Variants in DPP6 observed in about 807,000 individuals in gnomAD.
DPP6 encodes A-type potassium channel modulatory protein DPP6.
In DPP6, 69 loss-of-function variants were observed where a neutral mutation model predicts 122.6. The observed-to-expected ratio is 0.56, with a 90% confidence interval of 0.46 to 0.69. The LOEUF is 0.69. DPP6 is among the 30% of genes least tolerant of loss of function. DPP6 has a pLI of 0.00. For missense variants in DPP6, 928 were observed against 1,116.9 expected, an observed-to-expected ratio of 0.83 and a Z score of 2.41; for synonymous variants, 418 against 433.1, an observed-to-expected ratio of 0.97 and a Z score of 0.43.
At chr7:154,634,259 G>A (rs949393120) in intron 5 of DPP6, among the ~76,000 whole-genome samples, 11 of 148,190 alleles carry the variant, frequency 7.4e-5, no homozygotes, top group Non-Finnish European at 1.5e-4. Context: ...AGAACATGCG[G>A]TGTTTGGTTT....
intron 1 of DPP6, among the ~76,000 whole-genome samples, chr7:153,923,187 C>A (rs1282075959): frequency 1.3e-5 from 2 of 152,154 alleles, no homozygotes; most frequent in Non-Finnish European, 2.9e-5. Context: ...CACTGAACAC[C>A]TAGGAGACCA....
At chr7:154,284,649 G>T (rs556327623) in intron 1 of DPP6, among the ~76,000 whole-genome samples, 1 of 152,338 alleles carries the variant, frequency 6.6e-6, no homozygotes, top group East Asian at 1.9e-4. Flanking sequence ...GAGGTCAGGA[G>T]TTCAAGACCA....
chr7:154,182,834 G>A (rs1451266803), intron 1 of DPP6, among the ~76,000 whole-genome samples: 3 of 152,050 alleles, frequency 2.0e-5, no homozygotes, highest in African/African-American at 7.2e-5. Context: ...CATTCCCGAG[G>A]AGGCACTGCT....
At chr7:154,550,748 C>CTT (rs35197365) in intron 4 of DPP6, among the ~76,000 whole-genome samples, 15 of 126,846 alleles carry the variant, frequency 1.2e-4, no homozygotes, top group East Asian at 2.3e-4. Flanking sequence ...AATTTTAGTT[C>CTT]TTTTTTTTTT....
intron 1 of DPP6, among the ~76,000 whole-genome samples, chr7:154,388,498 G>A (rs747283444): frequency 1.4e-4 from 22 of 152,206 alleles, no homozygotes; most frequent in African/African-American, 5.1e-4. Flanking sequence ...CAGGATATGC[G>A]ACTCTGAGAT....
At chr7:153,879,526 A>G in the DPP6 span, among the ~76,000 whole-genome samples, 1 of 151,956 alleles carries the variant, frequency 6.6e-6, no homozygotes, top group East Asian at 1.9e-4. Flanking sequence ...AGTAGCTGGG[A>G]CTGCAGGTGC....
At chr7:153,903,424 T>G (rs1028540179) in intron 1 of DPP6, among the ~76,000 whole-genome samples, 3 of 152,216 alleles carry the variant, frequency 2.0e-5, no homozygotes, top group Admixed American at 6.5e-5. Flanking sequence ...CAACCCTGGA[T>G]GAAGGTACTA....
At chr7:153,976,303 G>A (rs1485033563) in intron 1 of DPP6, among the ~76,000 whole-genome samples, 1 of 152,216 alleles carries the variant, frequency 6.6e-6, no homozygotes, top group Admixed American at 6.5e-5. Context: ...GTCTGAGACA[G>A]CTTTATACAT....
intron 1 of DPP6, among the ~76,000 whole-genome samples, chr7:154,263,194 C>T (rs1304902846): frequency 6.6e-6 from 1 of 152,100 alleles, no homozygotes; most frequent in Admixed American, 6.5e-5. Flanking sequence ...CAGGAGAAAA[C>T]AGATTGGAAG....
chr7:154,127,608 C>T (rs1807989906), intron 1 of DPP6, among the ~76,000 whole-genome samples: 1 of 91,674 alleles, frequency 1.1e-5, no homozygotes, highest in South Asian at 4.0e-4. Context: ...CACACACACA[C>T]ACACACACAC....
the DPP6 span, among the ~76,000 whole-genome samples, chr7:153,791,871 G>T: frequency 7.9e-5 from 12 of 152,244 alleles, no homozygotes; most frequent in African/African-American, 2.9e-4. Context: ...TTTCTGTGTA[G>T]ACATTATTTG....
chr7:153,947,262 A>C (rs545922488), intron 1 of DPP6, among the ~76,000 whole-genome samples: 2 of 152,030 alleles, frequency 1.3e-5, no homozygotes. Flanking sequence ...CAATTTTAAC[A>C]GCGGAAACCT....
intron 6 of DPP6, among the ~76,000 whole-genome samples, chr7:154,638,989 C>T (rs553211769): frequency 6.6e-6 from 1 of 152,266 alleles, no homozygotes; most frequent in African/African-American, 2.4e-5. Context: ...ATGTAGGCTC[C>T]TGTGAATATC....
chr7:153,979,878 C>T (rs1386884158), intron 1 of DPP6, among the ~76,000 whole-genome samples: 2 of 152,200 alleles, frequency 1.3e-5, no homozygotes, highest in Admixed American at 1.3e-4. Flanking sequence ...ACCACCCTTA[C>T]ATCCCAGAGT....
chr7:154,831,487 C>T (rs1485950418), intron 16 of DPP6, among the ~76,000 whole-genome samples: 1 of 152,206 alleles, frequency 6.6e-6, no homozygotes, highest in Non-Finnish European at 1.5e-5. Flanking sequence ...CTTAAGAAAA[C>T]TTTCTGCACA....
At chr7:153,995,675 C>T (rs1195030213) in intron 1 of DPP6, among the ~76,000 whole-genome samples, 1 of 149,278 alleles carries the variant, frequency 6.7e-6, no homozygotes, top group Admixed American at 6.7e-5. Context: ...CACCCTTCAA[C>T]TAGAAAAAAA....
At chr7:154,284,432 A>G (rs1337523217) in intron 1 of DPP6, among the ~76,000 whole-genome samples, 4 of 152,256 alleles carry the variant, frequency 2.6e-5, no homozygotes, top group African/African-American at 9.6e-5. Context: ...AAAGGGGGAA[A>G]CAACCCAAGT....
intron 3 of DPP6, chr7:154,475,621 T>C (rs1586387227): frequency 6.4e-6 from 1 of 156,976 alleles, no homozygotes; most frequent in South Asian, 1.9e-4. Flanking sequence ...CAAAATACAG[T>C]TGGGGGCAGA....
intron 1 of DPP6, among the ~76,000 whole-genome samples, chr7:154,100,579 G>A (rs377496998): frequency 0.078 from 6,211 of 79,964 alleles, 1,823 homozygotes; most frequent in African/African-American, 0.33. Context: ...CCTTTACTCC[G>A]TCCCTTTCCA....
Sources: gnomAD v4.1 joint callset for allele counts (sites outside exome capture counted in the v4.1 genomes callset) on GRCh38, gnomAD v4.1.1 for gene constraint, MANE v1.5 for transcripts, NCBI Gene and HGNC (gene_info 2026-07-23, HGNC 2026-07-21) for gene names.